The following AGO1 variants were observed in gnomAD, a reference collection of about 807,000 sequenced individuals.
AGO1 encodes the protein protein argonaute-1.
AGO1 carries 11 observed loss-of-function variants against 109.2 expected under a neutral mutation model. The ratio of observed to expected loss-of-function variants is 0.10; its 90% CI spans 0.06 to 0.17. The LOEUF (loss-of-function observed/expected upper bound fraction) is 0.17. Ranked by LOEUF, AGO1 falls within the 10% of genes least tolerant of loss-of-function variation. The probability of loss-of-function intolerance (pLI) is 1.00; values close to 1 mark genes in which losing one functional copy is unlikely to be tolerated. For synonymous variants in AGO1, 422 were observed against 418.6 expected (o/e 1.01, Z -0.10); for missense variants, 574 against 1,140.3 (o/e 0.50, Z 7.15).
intron 1 of AGO1, among the ~76,000 whole-genome samples, chr1:35,875,348 C>G (rs939688779): frequency 6.6e-6 from 1 of 151,860 alleles, no homozygotes; most frequent in African/African-American, 2.4e-5. Flanking sequence ...TGCCTGTGCT[C>G]TATAAGTGGA....
upstream of AGO1, among the ~76,000 whole-genome samples, chr1:35,880,913 G>A (rs1344052685): frequency 6.6e-6 from 1 of 152,142 alleles, no homozygotes; most frequent in South Asian, 2.1e-4. Flanking sequence ...GCCTGCCTTG[G>A]TCTCCCAAAG....
chr1:35,914,607 T>C (rs1157763227), intron 14 of AGO1, among the ~76,000 whole-genome samples: 1 of 152,212 alleles, frequency 6.6e-6, no homozygotes, highest in Non-Finnish European at 1.5e-5. Context: ...AGGGAGTTAC[T>C]TAGTTGCGAG....
chr1:35,918,982 A>G, intron 17 of AGO1, 73 bp from the exon 18 acceptor site: 1 of 1,343,760 alleles, frequency 7.4e-7, no homozygotes, highest in Non-Finnish European at 1.1e-6. Context: ...TATTCTTAAC[A>G]GTGATCCTGT....
At chr1:35,878,548 A>G (rs952987094), upstream of AGO1, among the ~76,000 whole-genome samples, 1 of 152,172 alleles carries the variant, frequency 6.6e-6, no homozygotes, top group Non-Finnish European at 1.5e-5. Context: ...GGCACACTAC[A>G]TGGGGATGGG....
rs929736854 is a variant in AGO1 at position 35,883,328 on chromosome 1, C to T, written c.-94C>T. ...CTTGGTAGGGGAGCCGAGCCCGGCC[C>T]GGGATCCCGAGCAGCGAGAGTGTGG... On this transcript the variant is annotated 5_prime_UTR_variant, in exon 1 of 19. Transcript: ENST00000373204. This position sits in a 1 kb window ranked among gnomAD's most constrained non-coding sequence, Gnocchi z 5.4. The T allele has an allele frequency of 1.1e-4, 171 of 1,522,976 alleles. No homozygotes were observed. Among genetic ancestry groups the T allele is most frequent in the Middle Eastern group, 6.8e-4 (3 of 4,398 alleles). The allele number at this position is 1,522,976 out of a possible 1,614,324, so 94.3% of individuals were successfully genotyped here. A position where few individuals can be genotyped will look rare whatever the true frequency, so the allele number is the denominator to read the frequency against.
chr1:35,913,885 G>A lies in AGO1; in HGVS notation c.1626G>A (p.Thr542=), dbSNP rs199790587. ...GAGATACACTCTTGGGAATGGCTAC[G>A]CAGTGTGTGCAGGTGAAGAACGTGG... The part of the protein sequence containing the change: ...RVGDTLLGMA[T]QCVQVKNVVK... Residue 542 remains threonine (T), a synonymous_variant, in exon 13 of 19, where the codon ACG becomes ACA. Transcript: ENST00000373204. 5.0e-5 allele frequency: 80 copies of A among 1,614,030 alleles called. No homozygotes were observed. The highest frequency in any genetic ancestry group is 1.2e-4 in the South Asian group (11 of 91,072).
intron 17 of AGO1, 72 bp from the exon 18 acceptor site, chr1:35,918,983 G>A: frequency 7.4e-7 from 1 of 1,355,922 alleles, no homozygotes; most frequent in Non-Finnish European, 1.1e-6. Context: ...ATTCTTAACA[G>A]TGATCCTGTT....
upstream of AGO1, among the ~76,000 whole-genome samples, chr1:35,880,646 G>A (rs1645027783): frequency 1.3e-5 from 2 of 152,074 alleles, no homozygotes; most frequent in South Asian, 4.1e-4. Context: ...CTGTTCTAAA[G>A]TGTTTTTGTT....
In AGO1 at chr1:35,913,758, A is replaced by T. The variant is rs914365587; in HGVS notation, c.1583-84A>T. 1.8e-5 allele frequency: 26 copies of T among 1,415,452 alleles called. No individual in the cohort carries two copies. In the African/African-American group the frequency reaches 3.4e-4, roughly 18 times the overall value. 87.7% of individuals were successfully genotyped at this position (1,415,452 alleles called of 1,614,324 possible). On this transcript the variant is annotated intron_variant, in intron 12 of 18. Coordinates refer to ENST00000373204, the MANE Select transcript of AGO1 (RefSeq NM_012199.5). Reference sequence around the variant, plus strand: ...GTTTCCTGTCATTATTGTGTTCCCTAGCACCTCATACACTGCCTGGCATCT... The same window carrying T: ...GTTTCCTGTCATTATTGTGTTCCCTTGCACCTCATACACTGCCTGGCATCT...
Position 35,903,257 on chromosome 1 carries a change from C to T in AGO1, c.1397+920C>T, listed in dbSNP as rs556951881. Among the ~76,000 whole-genome samples, 7 of 151,248 alleles carry T rather than the reference C, an allele frequency of 4.6e-5. No individual in the cohort carries two copies. In the South Asian group the frequency reaches 1.0e-3, roughly 22 times the overall value. On this transcript the variant is annotated intron_variant, in intron 11 of 18. Coordinates refer to ENST00000373204, the MANE Select transcript of AGO1 (RefSeq NM_012199.5). ...TCCTGACCTCGTGATCCTCCTGCTTCGGTCTCCCAAAGTGCTGGGATTATA... is the reference window on the plus strand; with the variant it reads ...TCCTGACCTCGTGATCCTCCTGCTTTGGTCTCCCAAAGTGCTGGGATTATA...
chr1:35,878,867 C>T (rs964421272), upstream of AGO1, among the ~76,000 whole-genome samples: 1 of 151,320 alleles, frequency 6.6e-6, no homozygotes, highest in Non-Finnish European at 1.5e-5. Flanking sequence ...GTTAATTATA[C>T]TACATTGATT....
At chr1:35,902,999 C>CTTT (rs899277604) in intron 11 of AGO1, among the ~76,000 whole-genome samples, 9 of 108,790 alleles carry the variant, frequency 8.3e-5, no homozygotes, top group African/African-American at 1.4e-4. Context: ...CACCTGGAGT[C>CTTT]TTTTTTTTTT....
chr1:35,894,305 T>C lies in AGO1; in HGVS notation c.785-10T>C. Reference sequence around the variant, plus strand: ...TATTTTAGCCCTGACAAGCAGTGTGTGTATCTCAGGCCTGAAGGTGGAAGT... The same window carrying C: ...TATTTTAGCCCTGACAAGCAGTGTGCGTATCTCAGGCCTGAAGGTGGAAGT... On this transcript the variant is annotated splice_polypyrimidine_tract_variant and intron_variant, in intron 6 of 18. Coordinates refer to ENST00000373204, the MANE Select transcript of AGO1 (RefSeq NM_012199.5). The C allele has an allele frequency of 1.2e-6, 2 of 1,614,016 alleles. No homozygotes were observed. The highest frequency in any genetic ancestry group is 1.7e-6 in the Non-Finnish European group (2 of 1,179,938).
intron 11 of AGO1, among the ~76,000 whole-genome samples, chr1:35,906,078 CT>C (rs1401024790): frequency 6.6e-6 from 1 of 152,108 alleles, no homozygotes; most frequent in East Asian, 1.9e-4. Flanking sequence ...TTTTGAGTAT[CT>C]TTATGTAGCT....
intron 1 of AGO1, among the ~76,000 whole-genome samples, chr1:35,870,408 C>G (rs1414008488): frequency 6.6e-6 from 1 of 152,024 alleles, no homozygotes; most frequent in Non-Finnish European, 1.5e-5. Flanking sequence ...CTCAGCCTCC[C>G]GAGTAGCTGG....
intron 14 of AGO1, among the ~76,000 whole-genome samples, chr1:35,914,504 A>G (rs995787864): frequency 1.3e-5 from 2 of 152,180 alleles, no homozygotes; most frequent in Non-Finnish European, 2.9e-5. Flanking sequence ...CTCATTCTGC[A>G]TCACTCTTGC....
In AGO1 at chr1:35,926,802, T is replaced by TA. The variant is rs964296465; in HGVS notation, c.*7196dup. 6.6e-6 allele frequency: 1 copy of TA among 152,204 alleles called. No homozygotes were observed. The highest frequency in any genetic ancestry group is 6.5e-5 in the Admixed American group (1 of 15,278). 9.4% of individuals were successfully genotyped at this position (152,204 alleles called of 1,614,324 possible). ...AATTAGATGCATTTAGTTTTCCACTTACGCACAACTGCCTTCTCCAGTATA... is the reference window on the plus strand; with the variant it reads ...AATTAGATGCATTTAGTTTTCCACTTAACGCACAACTGCCTTCTCCAGTATA... On this transcript the variant is annotated 3_prime_UTR_variant, in exon 19 of 19. Coordinates refer to ENST00000373204, the MANE Select transcript of AGO1 (RefSeq NM_012199.5).
At chr1:35,902,840 T>A (rs794223) in intron 11 of AGO1, among the ~76,000 whole-genome samples, 1 of 151,964 alleles carries the variant, frequency 6.6e-6, no homozygotes, top group African/African-American at 2.4e-5. Context: ...GTGTTCCTAA[T>A]TGGAAACAAA....
chr1:35,918,925 G>T, intron 17 of AGO1, 130 bp from the exon 18 acceptor site: 2 of 799,774 alleles, frequency 2.5e-6, no homozygotes, highest in East Asian at 2.7e-5. Context: ...TTATGACATT[G>T]GTAGTTTTGC....
Sources: gnomAD v4.1 joint callset for allele counts (sites outside exome capture counted in the v4.1 genomes callset) on GRCh38, gnomAD v4.1.1 for gene constraint, Gnocchi (gnomAD v3.1) non-coding constraint, MANE v1.5 for transcripts, NCBI Gene and HGNC (gene_info 2026-07-23, HGNC 2026-07-21) for gene names.